The following PTPN14 variants were observed in gnomAD, a reference collection of about 807,000 sequenced individuals.
The protein encoded by PTPN14 is tyrosine-protein phosphatase non-receptor type 14.
PTPN14 carries 53 observed loss-of-function variants against 126.8 expected under a neutral mutation model. That is an observed-to-expected ratio of 0.42 (90% CI 0.34 to 0.53). The LOEUF is 0.53. Ranked by LOEUF, PTPN14 falls within the 20% of genes least tolerant of loss-of-function variation. The pLI, the probability that PTPN14 is intolerant of heterozygous loss-of-function variation, is 0.08. For synonymous variants in PTPN14, 630 were observed against 599.3 expected, an observed-to-expected ratio of 1.05 and a Z score of -0.75; for missense variants, 1,257 against 1,552.9, an observed-to-expected ratio of 0.81 and a Z score of 3.20.
At chr1:214,448,772 C>T (rs979731779) in intron 3 of PTPN14, among the ~76,000 whole-genome samples, 23 of 152,284 alleles carry the variant, frequency 1.5e-4, no homozygotes, top group African/African-American at 4.8e-4. Context: ...CACGTGACAA[C>T]ATTCACAGAG....
intron 1 of PTPN14, among the ~76,000 whole-genome samples, chr1:214,513,581 G>A (rs952701428): frequency 1.5e-4 from 23 of 152,236 alleles, no homozygotes; most frequent in African/African-American, 5.3e-4. Flanking sequence ...TGTGCTACGG[G>A]TGTGCTTTAC....
intron 10 of PTPN14, among the ~76,000 whole-genome samples, chr1:214,393,449 AC>A (rs1434483493): frequency 6.6e-5 from 10 of 152,204 alleles, no homozygotes; most frequent in African/African-American, 1.7e-4. Context: ...ATGTGGGCCA[AC>A]CCATCCAGGC....
chr1:214,515,639 C>T (rs76907635), intron 1 of PTPN14, among the ~76,000 whole-genome samples: 16,172 of 152,038 alleles, frequency 0.11, 1,126 homozygotes, highest in East Asian at 0.28. Context: ...CTGTCATTGA[C>T]GTTTTGTGGT....
chr1:214,418,740 C>T (rs887658443), intron 3 of PTPN14, among the ~76,000 whole-genome samples: 2 of 152,174 alleles, frequency 1.3e-5, no homozygotes, highest in African/African-American at 2.4e-5. Flanking sequence ...AATCCTATTA[C>T]AGGACATGTT....
At position 214,464,773 on chromosome 1, in the gene PTPN14, G is replaced by C; in HGVS notation, c.31C>G (p.Arg11Gly). Residue 11 changes from arginine to glycine, a missense_variant, in exon 2 of 19, where the codon CGG becomes GGG. Physicochemically the swap from Arg to Gly is moderately radical, Grantham distance 125 (BLOSUM62 -2). This residue lies in a region of PTPN14 where 1,021 missense variants were observed against 1,183.3 expected (regional missense o/e 0.86). Transcript: ENST00000366956. ...TTCTTGCTCAGGACGTTGTAGCGCC[G>C]TGTCCGGCGGAGCTTCAGACCAAAA... MPFGLKLRRT[R>G]RYNVLSKNCF... is the part of the protein sequence containing the mutation. The C allele has an allele frequency of 6.2e-7, 1 of 1,614,262 alleles. No homozygotes were observed. The highest frequency in any genetic ancestry group is 2.2e-5 in the East Asian group (1 of 44,888).
chr1:214,456,873 C>A (rs1314305422), intron 2 of PTPN14, among the ~76,000 whole-genome samples: 4 of 152,160 alleles, frequency 2.6e-5, no homozygotes, highest in Admixed American at 2.6e-4. Flanking sequence ...AAATCTCCCC[C>A]AGCAGTCTAC....
intron 16 of PTPN14, among the ~76,000 whole-genome samples, chr1:214,371,812 C>T (rs1658225396): frequency 6.6e-6 from 1 of 152,156 alleles, no homozygotes; most frequent in Admixed American, 6.6e-5. Flanking sequence ...TCATTATTTT[C>T]TTCTAATGGA....
At chr1:214,524,980 T>G (rs1379686971) in intron 1 of PTPN14, among the ~76,000 whole-genome samples, 1 of 152,170 alleles carries the variant, frequency 6.6e-6, no homozygotes, top group Admixed American at 6.6e-5. Context: ...GAATCTGCCA[T>G]GGAGGGTGTC....
chr1:214,465,980 G>A (rs187125256), intron 1 of PTPN14, among the ~76,000 whole-genome samples: 5 of 5,090 alleles, frequency 9.8e-4, no homozygotes, highest in Admixed American at 5.0e-3. Flanking sequence ...TTGTGAAGAC[G>A]GAGTCTCACC....
chr1:214,464,748 T>G lies in PTPN14; in HGVS notation c.56A>C (p.Asn19Thr). The G allele has an allele frequency of 6.2e-7, 1 of 1,614,246 alleles. No homozygotes were observed. The highest frequency in any genetic ancestry group is 1.1e-5 in the South Asian group (1 of 91,088). Residue 19 changes from asparagine to threonine, a missense_variant, in exon 2 of 19, where the codon AAC (asparagine) becomes ACC (threonine). Coordinates refer to ENST00000366956, the MANE Select transcript of PTPN14 (RefSeq NM_005401.5). ...RTRRYNVLSK[N>T]CFVTRIRLLD... ...CAGGCGAATCCGTGTGACAAAGCAG[T>G]TCTTGCTCAGGACGTTGTAGCGCCG... is the stretch of plus-strand genomic sequence containing the variant.
At chr1:214,406,926 T>C (rs985272512) in intron 5 of PTPN14, among the ~76,000 whole-genome samples, 2 of 151,968 alleles carry the variant, frequency 1.3e-5, no homozygotes, top group East Asian at 1.9e-4. Flanking sequence ...GAATAAGAAA[T>C]AGGAAATTAT....
At chr1:214,390,439 A>G (rs1043413644) in intron 11 of PTPN14, among the ~76,000 whole-genome samples, 3 of 152,236 alleles carry the variant, frequency 2.0e-5, no homozygotes, top group African/African-American at 4.8e-5. Flanking sequence ...TGGCTAATTA[A>G]AGCCTAAAAT....
Position 214,355,464 on chromosome 1 carries a change from A to G in PTPN14, c.*2458T>C, listed in dbSNP as rs1657796129. 6.6e-6 allele frequency: 1 copy of G among 152,258 alleles called. No individual in the cohort carries two copies. Among genetic ancestry groups the G allele is most frequent in the African/African-American group, 2.4e-5 (1 of 41,464 alleles). The allele number at this position is 152,258 out of a possible 1,614,324, so 9.4% of individuals were successfully genotyped here. ...AAACCTCCAAGGAAAGGAAACAAGTATCTTTTTGCTTATTGATGAGCTTCT... is the reference window on the plus strand; with the variant it reads ...AAACCTCCAAGGAAAGGAAACAAGTGTCTTTTTGCTTATTGATGAGCTTCT... On this transcript the variant is annotated 3_prime_UTR_variant, in exon 19 of 19. Coordinates refer to ENST00000366956, the MANE Select transcript of PTPN14 (RefSeq NM_005401.5).
At chr1:214,360,315 T>C (rs573832276) in intron 18 of PTPN14, among the ~76,000 whole-genome samples, 3 of 152,296 alleles carry the variant, frequency 2.0e-5, no homozygotes, top group African/African-American at 7.2e-5. Flanking sequence ...ACTTGCGACG[T>C]TGCCTGGGCT....
intron 1 of PTPN14, among the ~76,000 whole-genome samples, chr1:214,478,943 T>C (rs567510142): frequency 6.6e-6 from 1 of 152,154 alleles, no homozygotes; most frequent in South Asian, 2.1e-4. Flanking sequence ...TCTCCCATTA[T>C]CACATGGCTT....
chr1:214,357,142 C>T lies in PTPN14; in HGVS notation c.*780G>A, dbSNP rs1394738781. 2 of 152,258 alleles carry T rather than the reference C, an allele frequency of 1.3e-5. No homozygotes were observed. The highest frequency in any genetic ancestry group is 2.1e-4 in the South Asian group (1 of 4,814). 9.4% of individuals were successfully genotyped at this position (152,258 alleles called of 1,614,324 possible). On this transcript the variant is annotated 3_prime_UTR_variant, in exon 19 of 19. Coordinates refer to ENST00000366956, the MANE Select transcript of PTPN14 (RefSeq NM_005401.5). ...TAGCAACAAATACCCAAGGTACAGT[C>T]GCCAGCAGGGAAACACAAGCTCCAG...
chr1:214,463,140 CAT>C (rs1380890925), intron 2 of PTPN14, among the ~76,000 whole-genome samples: 5 of 152,172 alleles, frequency 3.3e-5, no homozygotes, highest in African/African-American at 1.2e-4. Flanking sequence ...TCCCCCGATG[CAT>C]ATGAGGAATA....
At chr1:214,402,819 C>T in intron 6 of PTPN14, 64 bp downstream of exon 6, 1 of 1,558,500 alleles carries the variant, frequency 6.4e-7, no homozygotes, top group South Asian at 1.1e-5. Context: ...AGATGGATGC[C>T]TCCTGCCCCA....
chr1:214,439,659 G>A (rs1452328674), intron 3 of PTPN14, among the ~76,000 whole-genome samples: 2 of 152,100 alleles, frequency 1.3e-5, no homozygotes, highest in Admixed American at 6.5e-5. Context: ...CTATGATTAC[G>A]CCTCCTCTGC....
Sources: gnomAD v4.1 joint callset for allele counts (sites outside exome capture counted in the v4.1 genomes callset) on GRCh38, gnomAD v4.1.1 for gene constraint, gnomAD v4.1.1 regional missense constraint, MANE v1.5 for transcripts, NCBI Gene and HGNC (gene_info 2026-07-23, HGNC 2026-07-21) for gene names.